Variants in SIN3B observed in about 807,000 individuals in gnomAD.
SIN3B encodes the protein SIN3 transcription regulator family member B.
SIN3B carries 19 observed loss-of-function variants against 120.2 expected under a neutral mutation model. The ratio of observed to expected loss-of-function variants is 0.16; its 90% CI spans 0.11 to 0.23. The LOEUF (loss-of-function observed/expected upper bound fraction) is 0.23. Ranked by LOEUF, SIN3B falls within the 10% of genes least tolerant of loss-of-function variation. SIN3B has a pLI of 1.00. For synonymous variants in SIN3B, 654 were observed against 653.2 expected (o/e 1.00, Z -0.02); for missense variants, 1,073 against 1,573.0 (o/e 0.68, Z 5.38).
In SIN3B at chr19:16,878,589, C is replaced by A; in HGVS notation, c.3255C>A (p.Ser1085Arg). Residue 1085 changes from serine to arginine, a missense_variant, in exon 19 of 19, where the codon AGC becomes AGA. Transcript: ENST00000248054. The stretch of plus-strand genomic sequence containing the variant: ...ACAATGTGACGGTGGAGGCGGCTAG[C>A]CTGGTGCAGGACTGGCTGATGGGTG... ...LEDNVTVEAA[S>R]LVQDWLMGEE... is the part of the protein sequence containing the mutation. 6.2e-7 allele frequency: 1 copy of A among 1,611,576 alleles called. No individual in the cohort carries two copies. The highest frequency in any genetic ancestry group is 8.5e-7 in the Non-Finnish European group (1 of 1,179,038).
intron 5 of SIN3B, among the ~76,000 whole-genome samples, 183 bp from the exon 6 acceptor site, chr19:16,851,229 G>A (rs994081116): frequency 6.6e-6 from 1 of 152,220 alleles, no homozygotes; most frequent in South Asian, 2.1e-4. Context: ...GTGATGATTC[G>A]GTTACCTTGG....
At chr19:16,857,517 ATGTGTGTGTG>A (rs72233219) in intron 8 of SIN3B, among the ~76,000 whole-genome samples, 6 of 93,370 alleles carry the variant, frequency 6.4e-5, no homozygotes, top group Non-Finnish European at 1.2e-4. Flanking sequence ...TAAAAAAAAT[ATGTGTGTGTG>A]TGTGTGTGTG....
At chr19:16,831,728 T>G in intron 3 of SIN3B, 81 bp downstream of exon 3, 1 of 1,253,582 alleles carries the variant, frequency 8.0e-7, no homozygotes, top group Admixed American at 1.9e-5. Flanking sequence ...GTGTCTCTCC[T>G]GTATCATTGC....
Position 16,869,549 on chromosome 19 carries a change from C to T in SIN3B, c.1896C>T (p.Asp632=), listed in dbSNP as rs149058304. ...ACGAGGACCGGCAGATCCTGGAGGACGCAGCAGCGCTCATCAGCTACTACG... is the reference window on the plus strand; with the variant it reads ...ACGAGGACCGGCAGATCCTGGAGGATGCAGCAGCGCTCATCAGCTACTACG... ...FVYEDRQILE[D]AAALISYYVK... is the part of the protein sequence containing the mutation. Residue 632 remains aspartate, a synonymous_variant, in exon 13 of 19, where the codon GAC becomes GAT. Transcript: ENST00000248054. 1.6e-5 allele frequency: 26 copies of T among 1,613,758 alleles called. 1 individual carries two copies. Among genetic ancestry groups the T allele is most frequent in the South Asian group, 2.2e-5 (2 of 91,094 alleles).
At chr19:16,877,972 G>A (rs2051632720) in intron 17 of SIN3B, among the ~76,000 whole-genome samples, 1 of 152,134 alleles carries the variant, frequency 6.6e-6, no homozygotes, top group African/African-American at 2.4e-5. Context: ...ACCACCTCAG[G>A]TCGGGCTAGG....
At chr19:16,853,023 A>G in intron 6 of SIN3B, 46 bp from the exon 7 acceptor site, 2 of 1,488,310 alleles carry the variant, frequency 1.3e-6, no homozygotes, top group Non-Finnish European at 1.9e-6. Flanking sequence ...GACAGAGGCC[A>G]CCGGTGGGAG....
chr19:16,829,666 C>T lies in SIN3B; in HGVS notation c.121-125C>T, dbSNP rs542656973. The T allele has an allele frequency of 5.3e-4, 655 of 1,245,916 alleles. 1 individual carries two copies. Among genetic ancestry groups the T allele is most frequent in the Non-Finnish European group, 6.2e-4 (565 of 909,656 alleles). 77.2% of individuals were successfully genotyped at this position (1,245,916 alleles called of 1,614,324 possible). The stretch of plus-strand genomic sequence containing the variant: ...CTCCCCTCTGCACTGCCCCGGACCC[C>T]TCACCCCTCACCTCTCACCTCGGCC... On this transcript the variant is annotated intron_variant, in intron 1 of 18. Coordinates refer to ENST00000248054, the MANE Select transcript of SIN3B (RefSeq NM_001297595.2).
At chr19:16,874,745 G>T (rs2051564440) in intron 14 of SIN3B, among the ~76,000 whole-genome samples, 1 of 149,284 alleles carries the variant, frequency 6.7e-6, no homozygotes, top group Non-Finnish European at 1.5e-5. Context: ...TTTTGGTATG[G>T]TCTAATCTGG....
Position 16,853,092 on chromosome 19 carries a change from C to T in SIN3B, c.873C>T (p.Thr291=). 6.2e-7 allele frequency: 1 copy of T among 1,614,142 alleles called. No individual in the cohort carries two copies. The highest frequency in any genetic ancestry group is 8.5e-7 in the Non-Finnish European group (1 of 1,179,986). The change falls in exon 7 of 19, where the codon ACC becomes ACT. Residue 291 remains threonine (T), a synonymous_variant. Transcript: ENST00000248054. ...PAKKKMKLRG[T]KDLSIAAVGK... is the part of the protein sequence containing the mutation. ...AGAAAAAAATGAAACTTCGTGGTAC[C>T]AAAGACCTGTCCATCGCTGCAGTGG... is the stretch of plus-strand genomic sequence containing the variant.
intron 3 of SIN3B, among the ~76,000 whole-genome samples, chr19:16,837,441 T>C (rs576058982): frequency 5.1e-4 from 77 of 150,514 alleles, no homozygotes; most frequent in African/African-American, 1.8e-3. Context: ...CCAGAGACAA[T>C]TCCCAAGTGA....
intron 14 of SIN3B, among the ~76,000 whole-genome samples, chr19:16,875,718 TGGTTTGGTCTGGTCTGGTC>T (rs1229542152): frequency 1.3e-5 from 2 of 149,804 alleles, no homozygotes; most frequent in African/African-American, 2.5e-5. Context: ...TGGTCTGGTC[TGGTTTGGTCTGGTCTGGTC>T]GGTTTGGTCT....
At chr19:16,865,118 AC>A (rs1971746187) in intron 10 of SIN3B, 3 of 281,732 alleles carry the variant, frequency 1.1e-5, no homozygotes, top group Non-Finnish European at 1.3e-5. Context: ...GGCGTGAGCC[AC>A]CGTGCCCGGC....
intron 6 of SIN3B, among the ~76,000 whole-genome samples, chr19:16,852,651 A>G (rs1971560552): frequency 6.6e-6 from 1 of 152,176 alleles, no homozygotes; most frequent in Non-Finnish European, 1.5e-5. Context: ...GCTTAGAGAC[A>G]AAAGCCTGCA....
chr19:16,863,177 T>C, intron 9 of SIN3B: 1 of 550,924 alleles, frequency 1.8e-6, no homozygotes, highest in Non-Finnish European at 3.2e-6. Context: ...AGAGAGAATT[T>C]ACCAATGTCT....
At chr19:16,840,333 G>C (rs943740009) in intron 3 of SIN3B, among the ~76,000 whole-genome samples, 3 of 152,130 alleles carry the variant, frequency 2.0e-5, no homozygotes, top group African/African-American at 7.2e-5. Context: ...AGGGACATGC[G>C]TGCACAGAGA....
chr19:16,833,793 G>A (rs111673029), intron 3 of SIN3B, among the ~76,000 whole-genome samples: 4 of 150,686 alleles, frequency 2.7e-5, no homozygotes, highest in African/African-American at 4.9e-5. Context: ...GCGCAATCTC[G>A]GCTCCCTGCA....
At position 16,854,168 on chromosome 19, in the gene SIN3B, A is replaced by T. The variant is rs1005646171; in HGVS notation, c.965A>T (p.Glu322Val). 2.5e-6 allele frequency: 4 copies of T among 1,612,236 alleles called. No homozygotes were observed. Among genetic ancestry groups the T allele is most frequent in the Non-Finnish European group, 3.4e-6 (4 of 1,179,852 alleles). Residue 322 changes from glutamate (E) to valine (V), a missense_variant, in exon 8 of 19, where the codon GAG (glutamate) becomes GTG (valine). By Grantham distance (121) the Glu-to-Val change is moderately radical (BLOSUM62 -2). Around this residue, in one of 7 missense-constraint regions of SIN3B, gnomAD observed 395 missense variants for 528.0 expected, o/e 0.75. Coordinates refer to ENST00000248054, the MANE Select transcript of SIN3B (RefSeq NM_001297595.2). The stretch of plus-strand genomic sequence containing the variant: ...GTCCGCCGGGTGCTGAAGAGCCAGG[A>T]GGTGTATGAAAACTTCCTCCGCTGC... ...DKVRRVLKSQ[E>V]VYENFLRCIA...
Position 16,862,872 on chromosome 19 carries a change from G to A in SIN3B, c.1266+313G>A, listed in dbSNP as rs1458346943. ...GTCCCGGGCTCACTGACCTCAGTGT[G>A]TTTCTGTTTAGCTTGACCATTGGAC... On this transcript the variant is annotated intron_variant, in intron 9 of 18. Transcript: ENST00000248054. This position sits in a 1 kb window ranked among gnomAD's most constrained non-coding sequence, Gnocchi z 4.7. 4 of 1,609,378 alleles carry A rather than the reference G, an allele frequency of 2.5e-6. No individual in the cohort carries two copies. In the East Asian group the frequency reaches 6.7e-5, roughly 27 times the overall value.
intron 3 of SIN3B, among the ~76,000 whole-genome samples, chr19:16,833,391 T>TC (rs1971303963): frequency 6.6e-6 from 1 of 152,000 alleles, no homozygotes; most frequent in Admixed American, 6.6e-5. Context: ...CCCAGCACTT[T>TC]GGGGGGCCGA....
Sources: allele counts gnomAD v4.1 joint callset (sites outside exome capture counted in the v4.1 genomes callset), GRCh38; gene constraint gnomAD v4.1.1; regional missense constraint gnomAD v4.1.1; non-coding constraint Gnocchi (gnomAD v3.1); transcripts MANE v1.5; gene names NCBI Gene and HGNC (gene_info 2026-07-23, HGNC 2026-07-21).